The following TBCCD1 variants were observed in gnomAD, a reference collection of about 807,000 sequenced individuals.
TBCCD1 encodes TBCC domain containing 1, also known as TBCC domain-containing protein 1.
A neutral mutation model predicts 53.4 loss-of-function variants in TBCCD1; 26 were observed. The ratio of observed to expected loss-of-function variants is 0.49; its 90% CI spans 0.36 to 0.68. The LOEUF (loss-of-function observed/expected upper bound fraction) is 0.68. TBCCD1 is among the 30% of genes least tolerant of loss of function. The pLI is 0.00. For synonymous variants in TBCCD1, 245 were observed against 241.7 expected, an observed-to-expected ratio of 1.01 and a Z score of -0.13; for missense variants, 558 against 669.5, an observed-to-expected ratio of 0.83 and a Z score of 1.84.
At position 186,567,247 on chromosome 3, in the gene TBCCD1, C is replaced by A. The variant is rs1714860434; in HGVS notation, c.-44+20G>T. On this transcript the variant is annotated intron_variant, in intron 1 of 7. Coordinates refer to ENST00000338733, the MANE Select transcript of TBCCD1 (RefSeq NM_018138.5). Reference sequence around the variant, plus strand: ...GACTAACCCACACCGCCCTCCCCGGCGCACCCAGTGCGCGGTTACCTGCTA... The same window carrying A: ...GACTAACCCACACCGCCCTCCCCGGAGCACCCAGTGCGCGGTTACCTGCTA... The A allele has an allele frequency of 2.0e-5, 3 of 152,364 alleles. No individual in the cohort carries two copies. Among genetic ancestry groups the A allele is most frequent in the African/African-American group, 7.2e-5 (3 of 41,474 alleles). 9.4% of individuals were successfully genotyped at this position (152,364 alleles called of 1,614,324 possible). A position where few individuals can be genotyped will look rare whatever the true frequency, so the allele number is the denominator to read the frequency against.
intron 2 of TBCCD1, 141 bp from the exon 3 acceptor site, chr3:186,558,713 T>C (rs2108460671): frequency 2.5e-6 from 2 of 804,258 alleles, no homozygotes; most frequent in Admixed American, 2.9e-5. Context: ...TTGATATGTA[T>C]GTCTCTGGTA....
intron 7 of TBCCD1, 39 bp downstream of exon 7, chr3:186,551,090 T>C (rs559453827): frequency 6.4e-7 from 1 of 1,567,380 alleles, no homozygotes; most frequent in South Asian, 1.2e-5. Context: ...TTGAAAGATT[T>C]CCCCAAAAGA....
At chr3:186,556,192 TA>T (rs1339061907) in intron 4 of TBCCD1, among the ~76,000 whole-genome samples, 1 of 152,218 alleles carries the variant, frequency 6.6e-6, no homozygotes, top group Non-Finnish European at 1.5e-5. Context: ...TAAAAGAAGA[TA>T]AAAATAATTT....
chr3:186,567,471 G>A (rs2108467638), upstream of TBCCD1: 1 of 152,210 alleles, frequency 6.6e-6, no homozygotes, highest in South Asian at 2.1e-4. Context: ...TCTAGGCTGG[G>A]GTCGAGAGTC....
chr3:186,558,671 C>T, intron 2 of TBCCD1, 99 bp from the exon 3 acceptor site: 2 of 1,306,208 alleles, frequency 1.5e-6, no homozygotes, highest in Non-Finnish European at 2.1e-6. Flanking sequence ...TTGGCTGATC[C>T]TAAAAAAACC....
chr3:186,554,586 G>A lies in TBCCD1; in HGVS notation c.1212C>T (p.Arg404=), dbSNP rs1192587270. 1.9e-6 allele frequency: 3 copies of A among 1,614,184 alleles called. No individual in the cohort carries two copies. The highest frequency in any genetic ancestry group is 2.2e-5 in the East Asian group (1 of 44,880). The part of the protein sequence containing the change: ...GCIFHVLTPT[R]PLILSGNQTV... Reference sequence around the variant, plus strand: ...TCTGGTTCCCAGAGAGAATAAGTGGGCGTGTAGGCGTAAGAACGTGAAAGA... The same window carrying A: ...TCTGGTTCCCAGAGAGAATAAGTGGACGTGTAGGCGTAAGAACGTGAAAGA... Residue 404 remains arginine, a synonymous_variant, in exon 6 of 8, where the codon CGC becomes CGT. Coordinates refer to ENST00000338733, the MANE Select transcript of TBCCD1 (RefSeq NM_018138.5).
At chr3:186,553,016 C>G (rs1460650590) in intron 6 of TBCCD1, among the ~76,000 whole-genome samples, 1 of 152,138 alleles carries the variant, frequency 6.6e-6, no homozygotes, top group African/African-American at 2.4e-5. Context: ...TTAGAGGGGT[C>G]AGAGCAGGGA....
upstream of TBCCD1, chr3:186,570,008 C>T (rs1467001586): frequency 5.1e-6 from 3 of 589,448 alleles, no homozygotes; most frequent in East Asian, 2.8e-5. Flanking sequence ...ATTTTTTTCC[C>T]TGTTAAAATT....
At chr3:186,561,571 T>C (rs60065317) in intron 2 of TBCCD1, among the ~76,000 whole-genome samples, 7,063 of 152,020 alleles carry the variant, frequency 0.046, 545 homozygotes, top group African/African-American at 0.16. Context: ...AGGCGGATCA[T>C]GAGGTCAGGA....
chr3:186,552,640 C>G (rs1376652921), intron 6 of TBCCD1, among the ~76,000 whole-genome samples: 1 of 152,222 alleles, frequency 6.6e-6, no homozygotes, highest in Non-Finnish European at 1.5e-5. Flanking sequence ...ACATTACTCT[C>G]ACTTCCAGAT....
At chr3:186,550,782 G>A (rs1714350108) in intron 7 of TBCCD1, among the ~76,000 whole-genome samples, 1 of 152,134 alleles carries the variant, frequency 6.6e-6, no homozygotes, top group African/African-American at 2.4e-5. Flanking sequence ...ATTGGTTTTT[G>A]TGAGGGGAAT....
chr3:186,564,102 G>C lies in TBCCD1; in HGVS notation c.228C>G (p.Phe76Leu). Residue 76 changes from phenylalanine (F) to leucine (L), a missense_variant, in exon 2 of 8, where the codon TTC becomes TTG. Coordinates refer to ENST00000338733, the MANE Select transcript of TBCCD1 (RefSeq NM_018138.5). ...QLAKDLAWLYFEIFDSLSMKT... is the reference protein window; with the variant it reads ...QLAKDLAWLYLEIFDSLSMKT... ...TCATTGAAAGACTATCAAATATTTC[G>C]AAGTAAAGCCACGCCAGGTCCTTGG... is the stretch of plus-strand genomic sequence containing the variant. 6.2e-7 allele frequency: 1 copy of C among 1,614,108 alleles called. No homozygotes were observed. Among genetic ancestry groups the C allele is most frequent in the Non-Finnish European group, 8.5e-7 (1 of 1,180,034 alleles).
chr3:186,548,801 G>C (rs952545542), intron 7 of TBCCD1, among the ~76,000 whole-genome samples: 2 of 152,022 alleles, frequency 1.3e-5, no homozygotes, highest in Admixed American at 1.3e-4. Context: ...CATGGTGACT[G>C]TTGTTAATAA....
upstream of TBCCD1, among the ~76,000 whole-genome samples, chr3:186,568,233 C>A (rs1005740648): frequency 6.6e-6 from 1 of 152,100 alleles, no homozygotes; most frequent in Non-Finnish European, 1.5e-5. Context: ...CACAGTGGTA[C>A]GCACTAGAAT....
At chr3:186,564,872 A>G (rs975173860) in intron 1 of TBCCD1, among the ~76,000 whole-genome samples, 1 of 152,256 alleles carries the variant, frequency 6.6e-6, no homozygotes. Flanking sequence ...ATGTAAATGT[A>G]GACTGCAAGA....
intron 2 of TBCCD1, among the ~76,000 whole-genome samples, chr3:186,563,646 G>A (rs1488335164): frequency 6.6e-6 from 1 of 152,158 alleles, no homozygotes; most frequent in African/African-American, 2.4e-5. Context: ...TGGTAAGTAA[G>A]GACTAATTCA....
upstream of TBCCD1, chr3:186,570,054 G>T: frequency 1.5e-6 from 1 of 660,258 alleles, no homozygotes; most frequent in Non-Finnish European, 2.8e-6. Context: ...CCTCAGTTTT[G>T]TTGATAAACT....
chr3:186,568,236 A>T (rs1046118495), upstream of TBCCD1, among the ~76,000 whole-genome samples: 1 of 152,212 alleles, frequency 6.6e-6, no homozygotes, highest in African/African-American at 2.4e-5. Flanking sequence ...AGTGGTACGC[A>T]CTAGAATGAC....
At chr3:186,558,839 CA>C (rs1714615679) in intron 2 of TBCCD1, among the ~76,000 whole-genome samples, 1 of 152,114 alleles carries the variant, frequency 6.6e-6, no homozygotes, top group African/African-American at 2.4e-5. Flanking sequence ...CTTCCTGGTT[CA>C]AGCGAGATTC....
Sources: gnomAD v4.1 joint callset for allele counts (sites outside exome capture counted in the v4.1 genomes callset) on GRCh38, gnomAD v4.1.1 for gene constraint, MANE v1.5 for transcripts, NCBI Gene and HGNC (gene_info 2026-07-23, HGNC 2026-07-21) for gene names.